The following POR variants were observed in gnomAD, a reference collection of about 807,000 sequenced individuals.
The protein encoded by POR is NADPH--cytochrome P450 reductase.
POR carries 56 observed loss-of-function variants against 84.0 expected under a neutral mutation model. The observed-to-expected ratio is 0.67, with a 90% CI of 0.54 to 0.83. The LOEUF is 0.83. Among genes scored for constraint, POR ranks in the 40% least tolerant of loss-of-function variants. The pLI, the probability that POR is intolerant of heterozygous loss-of-function variation, is 0.00. For missense variants in POR, 938 were observed against 944.3 expected (o/e 0.99, Z 0.09); for synonymous variants, 414 against 400.5 (o/e 1.03, Z -0.40).
intron 1 of POR, among the ~76,000 whole-genome samples, chr7:75,938,169 A>G (rs1807789425): frequency 6.6e-6 from 1 of 152,184 alleles, no homozygotes; most frequent in African/African-American, 2.4e-5. Flanking sequence ...CATCGGGCAC[A>G]TGCTGGTCAT....
intron 1 of POR, among the ~76,000 whole-genome samples, chr7:75,947,724 C>G (rs1554552303): frequency 6.6e-6 from 1 of 152,112 alleles, no homozygotes; most frequent in East Asian, 1.9e-4. Flanking sequence ...GATTCTGCGC[C>G]AAGGAAGTGT....
At chr7:75,924,234 C>CA (rs56309046) in intron 1 of POR, among the ~76,000 whole-genome samples, 21 of 148,458 alleles carry the variant, frequency 1.4e-4, no homozygotes, top group South Asian at 6.4e-4. Context: ...CTTGTCTCTG[C>CA]AAAAAAAAAG....
In POR at chr7:75,984,766, C is replaced by T. The variant is rs782775303; in HGVS notation, c.1067-11C>T. The stretch of plus-strand genomic sequence containing the variant: ...CGCCTACCCCAAGTCCTGCCTGTCT[C>T]TTCCCTGCAGAGGAGTCCAACAAGA... On this transcript the variant is annotated splice_polypyrimidine_tract_variant and intron_variant, in intron 10 of 15. Coordinates refer to ENST00000461988, the MANE Select transcript of POR (RefSeq NM_000941.3). 1 of 1,612,106 alleles carries T rather than the reference C, an allele frequency of 6.2e-7. No homozygotes were observed. Among genetic ancestry groups the T allele is most frequent in the African/African-American group, 1.3e-5 (1 of 75,028 alleles).
intron 3 of POR, among the ~76,000 whole-genome samples, chr7:75,973,054 C>T (rs184146549): frequency 0.055 from 8,375 of 152,078 alleles, 741 homozygotes; most frequent in African/African-American, 0.19. Context: ...AACTCCTGAC[C>T]TCAGGTGATC....
rs368640263 is a variant in POR at position 75,981,497 on chromosome 7, C to G, written c.642-20C>G. ...ATGGGCCTCCCCTGAGCCGCTCCCC[C>G]TCTCCTCTCCTCGGCCCAGCTTGGA... On this transcript the variant is annotated intron_variant, in intron 6 of 15. Transcript: ENST00000461988. 1.2e-4 allele frequency: 194 copies of G among 1,602,842 alleles called. 1 individual carries two copies. The highest frequency in any genetic ancestry group is 1.2e-3 in the African/African-American group (86 of 74,748).
chr7:75,983,738 G>C lies in POR; in HGVS notation c.948G>C (p.Arg316Ser), dbSNP rs782213803. The C allele has an allele frequency of 6.2e-7, 1 of 1,607,950 alleles. No homozygotes were observed. Among genetic ancestry groups the C allele is most frequent in the South Asian group, 1.1e-5 (1 of 90,986 alleles). ...TCCCGAGCCTCACATCTCCCTCCAG[G>C]TATGAATCTGGGGACCACGTGGCTG... The change falls in exon 10 of 16, where the codon AGG becomes AGC. Residue 316 changes from arginine (R) to serine (S), a missense_variant and splice_region_variant. Arg to Ser is a moderately radical substitution (Grantham distance 110, BLOSUM62 -1). Coordinates refer to ENST00000461988, the MANE Select transcript of POR (RefSeq NM_000941.3).
chr7:75,984,987 G>GC (rs1789327087), intron 11 of POR, 29 bp downstream of exon 11: 1 of 1,574,456 alleles, frequency 6.4e-7, no homozygotes, highest in Non-Finnish European at 8.6e-7. Flanking sequence ...CGCAACCTCC[G>GC]CCCCGTCACC....
intron 3 of POR, among the ~76,000 whole-genome samples, chr7:75,977,836 C>T (rs889771034): frequency 6.6e-6 from 1 of 152,134 alleles, no homozygotes; most frequent in Non-Finnish European, 1.5e-5. Context: ...CACTGAAGAC[C>T]AGGCACTGCA....
rs72557952 is a variant in POR, at chr7:75,986,076, G to A, written c.1815+8G>A. ...CGGGAGCAGTCCCACAAGGTGAGAC[G>A]GGCGGGCACCCACGAAGGTGGGCAT... On this transcript the variant is annotated splice_region_variant and intron_variant, in intron 14 of 15. Coordinates refer to ENST00000461988, the MANE Select transcript of POR (RefSeq NM_000941.3). 420 of 1,564,078 alleles carry A rather than the reference G, an allele frequency of 2.7e-4. 2 individuals carry two copies. In the East Asian group the frequency reaches 7.5e-3, roughly 28 times the overall value.
At chr7:75,965,902 G>A (rs1554555186) in intron 2 of POR, among the ~76,000 whole-genome samples, 1 of 152,126 alleles carries the variant, frequency 6.6e-6, no homozygotes, top group Non-Finnish European at 1.5e-5. Context: ...TGTGAGATGT[G>A]CTGCCTGAAC....
chr7:75,947,898 G>A (rs1007157320), intron 1 of POR, among the ~76,000 whole-genome samples: 17 of 152,116 alleles, frequency 1.1e-4, no homozygotes, highest in East Asian at 9.7e-4. Context: ...GTCTGTGTGC[G>A]CGTCAAGGGG....
chr7:75,981,803 A>C, intron 7 of POR, 197 bp downstream of exon 7: 1 of 595,140 alleles, frequency 1.7e-6, no homozygotes, highest in Non-Finnish European at 3.0e-6. Flanking sequence ...AGCGGGGTGC[A>C]TCCCACCTCT....
chr7:75,978,421 T>C (rs2116573568), intron 3 of POR, among the ~76,000 whole-genome samples: 1 of 152,338 alleles, frequency 6.6e-6, no homozygotes, highest in South Asian at 2.1e-4. Context: ...ATTACATTAA[T>C]AAGTAATCTA....
At chr7:75,962,267 G>T (rs1442172362) in intron 2 of POR, among the ~76,000 whole-genome samples, 10 of 152,002 alleles carry the variant, frequency 6.6e-5, no homozygotes, top group African/African-American at 2.4e-4. Flanking sequence ...GTATATTCAG[G>T]TATAATTTGC....
Position 75,922,744 on chromosome 7 carries a change from A to G in POR, c.-5+7565A>G, listed in dbSNP as rs1806940524. 7.1e-6 allele frequency: 3 copies of G among 423,020 alleles called. 1 individual carries two copies. Among genetic ancestry groups the G allele is most frequent in the African/African-American group, 2.1e-5 (1 of 48,182 alleles). 26.2% of individuals were successfully genotyped at this position (423,020 alleles called of 1,614,324 possible). A position where few individuals can be genotyped will look rare whatever the true frequency, so the allele number is the denominator to read the frequency against. ...GGGTTGCGCATGTTCAGTAGCTGCAACACTAGAAAGATGGCAAAGCAGGAG... is the reference window on the plus strand; with the variant it reads ...GGGTTGCGCATGTTCAGTAGCTGCAGCACTAGAAAGATGGCAAAGCAGGAG... On this transcript the variant is annotated intron_variant, in intron 1 of 15. Coordinates refer to ENST00000461988, the MANE Select transcript of POR (RefSeq NM_000941.3).
At chr7:75,970,484 A>G (rs1056430225) in intron 2 of POR, among the ~76,000 whole-genome samples, 4 of 151,972 alleles carry the variant, frequency 2.6e-5, no homozygotes, top group African/African-American at 9.7e-5. Flanking sequence ...AGCTGGGACC[A>G]CAGGCACAGA....
At chr7:75,972,862 A>G (rs1273485733) in intron 3 of POR, 36 of 281,630 alleles carry the variant, frequency 1.3e-4, no homozygotes, top group Admixed American at 4.7e-5. Flanking sequence ...TCGCTCTGTC[A>G]CCCAGGCTGG....
At position 75,985,789 on chromosome 7, in the gene POR, G is replaced by C. The variant is rs569673150; in HGVS notation, c.1609G>C (p.Gly537Arg). ...CACGCCTGTCATCATGGTGGGCCCC[G>C]GCACCGGGGTGGCACCCTTCATAGG... Residue 537 changes from glycine to arginine, a missense_variant, in exon 13 of 16, where the codon GGC (glycine) becomes CGC (arginine). Transcript: ENST00000461988. The C allele has an allele frequency of 6.6e-5, 103 of 1,570,070 alleles. No homozygotes were observed. The highest frequency in any genetic ancestry group is 8.5e-5 in the Non-Finnish European group (99 of 1,158,366).
chr7:75,975,413 G>T (rs187688067), intron 3 of POR, among the ~76,000 whole-genome samples: 109 of 152,254 alleles, frequency 7.2e-4, no homozygotes, highest in African/African-American at 2.5e-3. Context: ...GCCGAGATGG[G>T]CAGGTCGCTT....
Sources: allele counts gnomAD v4.1 joint callset (sites outside exome capture counted in the v4.1 genomes callset), GRCh38; gene constraint gnomAD v4.1.1; transcripts MANE v1.5; gene names NCBI Gene and HGNC (gene_info 2026-07-23, HGNC 2026-07-21).